Variants in FIBCD1 observed in about 807,000 individuals in gnomAD.
FIBCD1 encodes the protein fibrinogen C domain-containing protein 1.
In FIBCD1, 47 loss-of-function variants were observed where a neutral mutation model predicts 45.1. The observed-to-expected ratio is 1.04, with a 90% CI of 0.82 to 1.33. FIBCD1 has a LOEUF of 1.33. FIBCD1 is among the 40% of genes most tolerant of loss of function. The pLI, the probability that FIBCD1 is intolerant of heterozygous loss-of-function variation, is 0.00. For missense variants in FIBCD1, 653 were observed against 682.2 expected (o/e 0.96, Z 0.48); for synonymous variants, 313 against 308.1 (o/e 1.02, Z -0.17).
At position 130,905,421 on chromosome 9, in the gene FIBCD1, TG is replaced by T. The variant is rs1831910973; in HGVS notation, c.947-9del. The T allele has an allele frequency of 1.9e-6, 3 of 1,601,804 alleles. No homozygotes were observed. Among genetic ancestry groups the T allele is most frequent in the East Asian group, 4.5e-5 (2 of 44,624 alleles). On this transcript the variant is annotated splice_polypyrimidine_tract_variant and intron_variant, in intron 5 of 6. Transcript: ENST00000372338. ...CGTGGATCCTCTTGAGCCCTGAAGT[TG>T]GGGGGAAAATGGTGGGAGAAGCTGA...
Position 130,926,003 on chromosome 9 carries a change from G to T in FIBCD1, c.553-1607C>A, listed in dbSNP as rs2133110698. 6.6e-6 allele frequency among the ~76,000 whole-genome samples: 1 copy of T among 152,280 alleles called. No individual in the cohort carries two copies. The highest frequency in any genetic ancestry group is 2.1e-4 in the South Asian group (1 of 4,824). ...CTGCTGAGCAGGTGATTCAGTGAGG[G>T]CTGAGGCCAGGGGAGAGAGGAGCAG... On this transcript the variant is annotated intron_variant, in intron 2 of 6. Transcript: ENST00000372338. The surrounding 1 kb of genome is among the most constrained non-coding windows in gnomAD (Gnocchi z 4.1).
intron 4 of FIBCD1, among the ~76,000 whole-genome samples, chr9:130,923,352 G>T (rs1832293905): frequency 6.6e-6 from 1 of 152,176 alleles, no homozygotes; most frequent in South Asian, 2.1e-4. Flanking sequence ...CACGCGCCGT[G>T]TATTGGGTAG....
rs898378577 is a variant in FIBCD1, at chr9:130,926,267, T to A, written c.553-1871A>T. 3.3e-5 allele frequency among the ~76,000 whole-genome samples: 5 copies of A among 152,184 alleles called. No individual in the cohort carries two copies. The highest frequency in any genetic ancestry group is 9.7e-5 in the African/African-American group (4 of 41,434). On this transcript the variant is annotated intron_variant, in intron 2 of 6. Transcript: ENST00000372338. The surrounding 1 kb of genome is among the most constrained non-coding windows in gnomAD (Gnocchi z 4.1). ...CACTAAAAAAAACTCAGGCACGGCCTCCTCCCTCTTGCTAACGGGCAGGGA... is the reference window on the plus strand; with the variant it reads ...CACTAAAAAAAACTCAGGCACGGCCACCTCCCTCTTGCTAACGGGCAGGGA...
intron 1 of FIBCD1, among the ~76,000 whole-genome samples, chr9:130,932,202 G>A (rs1432323717): frequency 3.3e-5 from 5 of 152,208 alleles, no homozygotes; most frequent in African/African-American, 1.2e-4. Context: ...CCTAGAAGAT[G>A]AGGCAGAGGA....
Position 130,908,635 on chromosome 9 carries a change from A to C in FIBCD1, c.946+3157T>G, listed in dbSNP as rs572993960. 4.6e-5 allele frequency among the ~76,000 whole-genome samples: 7 copies of C among 151,978 alleles called. No homozygotes were observed. In the South Asian group the frequency reaches 1.5e-3, roughly 32 times the overall value. On this transcript the variant is annotated intron_variant, in intron 5 of 6. Coordinates refer to ENST00000372338, the MANE Select transcript of FIBCD1 (RefSeq NM_032843.5). ...CCCTTTCCTAAGCCTCAACTTCCTCATCTCTAAAAGGAGGGGACGACAGCA... is the reference window on the plus strand; with the variant it reads ...CCCTTTCCTAAGCCTCAACTTCCTCCTCTCTAAAAGGAGGGGACGACAGCA...
In FIBCD1 at chr9:130,903,875, G is replaced by A. The variant is rs560230050; in HGVS notation, c.*189C>T. 143 of 731,218 alleles carry A rather than the reference G, an allele frequency of 2.0e-4. No individual in the cohort carries two copies. The highest frequency in any genetic ancestry group is 1.0e-3 in the Middle Eastern group (3 of 2,932). The allele number at this position is 731,218 out of a possible 1,614,324, so 45.3% of individuals were successfully genotyped here. On this transcript the variant is annotated 3_prime_UTR_variant, in exon 7 of 7. Coordinates refer to ENST00000372338, the MANE Select transcript of FIBCD1 (RefSeq NM_032843.5). Reference sequence around the variant, plus strand: ...CAGTGAGCTGCCAAATGGAGGGGGTGGGGACGGCGAGAAGGCGATGTGTGA... The same window carrying A: ...CAGTGAGCTGCCAAATGGAGGGGGTAGGGACGGCGAGAAGGCGATGTGTGA...
Position 130,905,305 on chromosome 9 carries a change from A to G in FIBCD1, c.1055T>C (p.Val352Ala). Reference sequence around the variant, plus strand: ...CTCAGGGTCCACGGAGAACAAGCCCACGCCGAAGCTCCCGTAGCGGGCATA... The same window carrying G: ...CTCAGGGTCCACGGAGAACAAGCCCGCGCCGAAGCTCCCGTAGCGGGCATA... ...TAYARYGSFG[V>A]GLFSVDPEED... The change falls in exon 6 of 7, where the codon GTG becomes GCG. Residue 352 changes from valine (V) to alanine (A), a missense_variant. Val to Ala is a moderately conservative substitution (Grantham distance 64, BLOSUM62 0). Transcript: ENST00000372338. 1 of 1,614,014 alleles carries G rather than the reference A, an allele frequency of 6.2e-7. No individual in the cohort carries two copies. Among genetic ancestry groups the G allele is most frequent in the Non-Finnish European group, 8.5e-7 (1 of 1,180,008 alleles).
intron 5 of FIBCD1, among the ~76,000 whole-genome samples, chr9:130,908,784 C>T (rs1042081928): frequency 6.6e-6 from 1 of 152,114 alleles, no homozygotes; most frequent in Non-Finnish European, 1.5e-5. Context: ...GTGTGACCTT[C>T]CCTGTTGTCG....
chr9:130,940,496 A>G (rs529386776), upstream of FIBCD1, among the ~76,000 whole-genome samples: 24 of 152,360 alleles, frequency 1.6e-4, no homozygotes, highest in Non-Finnish European at 2.1e-4. Flanking sequence ...CCTATGAATT[A>G]AGAGGGTCAG....
chr9:130,918,989 G>A (rs1435541898), intron 4 of FIBCD1, among the ~76,000 whole-genome samples: 5 of 152,154 alleles, frequency 3.3e-5, no homozygotes, highest in African/African-American at 4.8e-5. Context: ...GAAGGAAATC[G>A]GACCCACTCC....
intron 1 of FIBCD1, among the ~76,000 whole-genome samples, chr9:130,930,403 TGCGGGGAGAC>T (rs925449265): frequency 5.2e-5 from 5 of 95,966 alleles, no homozygotes; most frequent in East Asian, 2.5e-4. Context: ...CATGGGGAGA[TGCGGGGAGAC>T]GCGGGGAGAC....
intron 1 of FIBCD1, among the ~76,000 whole-genome samples, chr9:130,937,075 G>T (rs910677398): frequency 1.3e-5 from 2 of 152,128 alleles, no homozygotes; most frequent in African/African-American, 4.8e-5. Flanking sequence ...CCCAGGGTTG[G>T]CAAATAACAA....
chr9:130,935,364 C>T (rs1364674580), intron 1 of FIBCD1, among the ~76,000 whole-genome samples: 1 of 152,160 alleles, frequency 6.6e-6, no homozygotes, highest in African/African-American at 2.4e-5. Flanking sequence ...ATTTCTAGAT[C>T]CTTTCATCTG....
chr9:130,913,138 A>G (rs10901302), intron 4 of FIBCD1, among the ~76,000 whole-genome samples: 33,299 of 152,080 alleles, frequency 0.22, 4,153 homozygotes, highest in East Asian at 0.51. Flanking sequence ...AATTGCTTTG[A>G]AATGAGTACC....
At chr9:130,925,300 G>C (rs1832340381) in intron 2 of FIBCD1, among the ~76,000 whole-genome samples, 1 of 152,190 alleles carries the variant, frequency 6.6e-6, no homozygotes, top group Admixed American at 6.5e-5. Context: ...GATGGCACTG[G>C]GGGCAGGGAC....
At chr9:130,914,567 T>G (rs2133084758) in intron 4 of FIBCD1, among the ~76,000 whole-genome samples, 1 of 152,318 alleles carries the variant, frequency 6.6e-6, no homozygotes, top group Admixed American at 6.5e-5. Flanking sequence ...CAGCAGCCAG[T>G]GGGCGTGCCC....
chr9:130,924,419 C>T (rs775566308), intron 2 of FIBCD1, 23 bp from the exon 3 acceptor site: 28 of 1,585,888 alleles, frequency 1.8e-5, no homozygotes, highest in Middle Eastern at 1.7e-4. Context: ...GGGGGTGAGC[C>T]GAGGGGGCAG....
upstream of FIBCD1, among the ~76,000 whole-genome samples, chr9:130,940,187 G>T (rs1024147698): frequency 3.9e-5 from 6 of 152,240 alleles, no homozygotes; most frequent in Non-Finnish European, 5.9e-5. Flanking sequence ...CTGGTTGGGG[G>T]TGGGGGCCGC....
intron 4 of FIBCD1, among the ~76,000 whole-genome samples, chr9:130,914,449 A>C (rs954461232): frequency 6.6e-6 from 1 of 152,234 alleles, no homozygotes; most frequent in Non-Finnish European, 1.5e-5. Flanking sequence ...AGGTCTGCCC[A>C]GCAGGGTGGC....
Sources: allele counts gnomAD v4.1 joint callset (sites outside exome capture counted in the v4.1 genomes callset), GRCh38; gene constraint gnomAD v4.1.1; non-coding constraint Gnocchi (gnomAD v3.1); transcripts MANE v1.5; gene names NCBI Gene and HGNC (gene_info 2026-07-23, HGNC 2026-07-21).